The following UIMC1 variants were observed in gnomAD, a reference collection of about 807,000 sequenced individuals.
UIMC1 encodes BRCA1-A complex subunit RAP80.
A neutral mutation model predicts 84.9 loss-of-function variants in UIMC1; 42 were observed. The ratio of observed to expected loss-of-function variants is 0.49; its 90% CI spans 0.39 to 0.64. The LOEUF is 0.64. Ranked by LOEUF, UIMC1 falls within the 30% of genes least tolerant of loss-of-function variation. UIMC1 has a pLI of 0.00. For missense variants in UIMC1, 825 were observed against 847.6 expected (o/e 0.97, Z 0.33); for synonymous variants, 281 against 293.0 (o/e 0.96, Z 0.42).
At chr5:177,014,441 C>T (rs1040456991) in intron 1 of UIMC1, among the ~76,000 whole-genome samples, 1 of 152,152 alleles carries the variant, frequency 6.6e-6, no homozygotes, top group Non-Finnish European at 1.5e-5. Flanking sequence ...TGAGAGCAGA[C>T]CTTTCAAAGG....
chr5:176,984,892 A>G (rs1452321029), intron 1 of UIMC1, among the ~76,000 whole-genome samples: 2 of 152,186 alleles, frequency 1.3e-5, no homozygotes, highest in Admixed American at 1.3e-4. Context: ...GCTTGAAGGC[A>G]GCATGCTTGT....
At chr5:176,947,493 C>G (rs1053195933) in intron 9 of UIMC1, among the ~76,000 whole-genome samples, 2 of 152,148 alleles carry the variant, frequency 1.3e-5, no homozygotes, top group Admixed American at 6.5e-5. Flanking sequence ...TATCCCTCCC[C>G]GCTCGCCTTC....
intron 1 of UIMC1, among the ~76,000 whole-genome samples, chr5:177,019,702 C>G (rs187795261): frequency 6.6e-6 from 1 of 151,584 alleles, no homozygotes; most frequent in African/African-American, 2.4e-5. Context: ...GAGGCCAAGG[C>G]GGGCAGATCA....
intron 10 of UIMC1, among the ~76,000 whole-genome samples, chr5:176,917,489 T>C (rs1761147514): frequency 6.6e-6 from 1 of 152,136 alleles, no homozygotes; most frequent in Non-Finnish European, 1.5e-5. Flanking sequence ...GGAGAACTGC[T>C]TGAACCCGGG....
intron 9 of UIMC1, among the ~76,000 whole-genome samples, chr5:176,946,740 C>G (rs980554491): frequency 3.9e-5 from 6 of 152,036 alleles, no homozygotes; most frequent in Middle Eastern, 3.4e-3. Context: ...GTGGTTGAGG[C>G]AGGATAATCG....
intron 10 of UIMC1, among the ~76,000 whole-genome samples, chr5:176,941,344 T>G (rs554464426): frequency 6.6e-5 from 10 of 152,306 alleles, no homozygotes; most frequent in African/African-American, 2.4e-4. Flanking sequence ...TGCAGAATAA[T>G]ATATAGAGAG....
At chr5:176,933,537 T>C (rs1259184501) in intron 10 of UIMC1, among the ~76,000 whole-genome samples, 2 of 151,992 alleles carry the variant, frequency 1.3e-5, no homozygotes, top group Admixed American at 6.6e-5. Flanking sequence ...ATTTTTTTTT[T>C]TTTCTTTTTT....
intron 6 of UIMC1, among the ~76,000 whole-genome samples, chr5:176,966,771 G>A (rs1768367010): frequency 6.6e-6 from 1 of 152,076 alleles, no homozygotes. Flanking sequence ...ATTATGTAAT[G>A]GGAAAAAATA....
At chr5:177,014,511 G>A (rs1342831611) in intron 1 of UIMC1, among the ~76,000 whole-genome samples, 9 of 152,120 alleles carry the variant, frequency 5.9e-5, no homozygotes, top group African/African-American at 2.2e-4. Flanking sequence ...TAATGCTGTG[G>A]TTGAAACTTG....
chr5:176,918,499 G>GA (rs761740135), intron 10 of UIMC1, among the ~76,000 whole-genome samples: 2 of 152,166 alleles, frequency 1.3e-5, no homozygotes, highest in Non-Finnish European at 2.9e-5. Flanking sequence ...TCATAACTGG[G>GA]AGAAGTAAGC....
chr5:176,931,518 C>CA (rs1474243988), intron 10 of UIMC1, among the ~76,000 whole-genome samples: 1 of 152,126 alleles, frequency 6.6e-6, no homozygotes, highest in Non-Finnish European at 1.5e-5. Context: ...AAGGCAAAGT[C>CA]AATATTAAGA....
chr5:176,945,345 C>T (rs1291262525), intron 9 of UIMC1, among the ~76,000 whole-genome samples: 1 of 152,180 alleles, frequency 6.6e-6, no homozygotes, highest in East Asian at 1.9e-4. Context: ...CACAGTGGCT[C>T]ACATCTGTAA....
At chr5:176,982,255 A>T (rs992255578) in intron 2 of UIMC1, among the ~76,000 whole-genome samples, 1 of 152,206 alleles carries the variant, frequency 6.6e-6, no homozygotes, top group African/African-American at 2.4e-5. Flanking sequence ...ATATTATAAA[A>T]CTGAAGAACT....
intron 3 of UIMC1, among the ~76,000 whole-genome samples, chr5:176,973,056 T>C (rs994266794): frequency 1.3e-5 from 2 of 152,026 alleles, no homozygotes; most frequent in Non-Finnish European, 1.5e-5. Flanking sequence ...GTTGGGATTA[T>C]AGGTGCCTGC....
intron 10 of UIMC1, among the ~76,000 whole-genome samples, chr5:176,940,502 G>A (rs1764277184): frequency 6.6e-6 from 1 of 152,048 alleles, no homozygotes; most frequent in African/African-American, 2.4e-5. Flanking sequence ...TAAGTGCTTA[G>A]TAAGACAGAC....
intron 1 of UIMC1, among the ~76,000 whole-genome samples, chr5:176,992,987 A>ACCAGCATGG (rs1773103364): frequency 6.6e-6 from 1 of 151,948 alleles, no homozygotes; most frequent in South Asian, 2.1e-4. Context: ...GGAGTTGGAG[A>ACCAGCATGG]CCAGCATGGC....
intron 10 of UIMC1, among the ~76,000 whole-genome samples, chr5:176,920,919 T>A (rs922106447): frequency 7.2e-5 from 11 of 152,252 alleles, no homozygotes; most frequent in Admixed American, 6.5e-4. Context: ...GAGTTTTTCA[T>A]AGACGCCCTC....
chr5:176,908,618 G>A lies in UIMC1; in HGVS notation c.1753C>T (p.Leu585Phe), dbSNP rs374916547. The A allele has an allele frequency of 2.5e-6, 4 of 1,614,194 alleles. No homozygotes were observed. In the African/African-American group the frequency reaches 5.3e-5, roughly 22 times the overall value. The change falls in exon 12 of 15, where the codon CTT (leucine) becomes TTT (phenylalanine). Residue 585 changes from leucine (L) to phenylalanine (F), a missense_variant. Physicochemically the swap from Leu to Phe is conservative, Grantham distance 22. Coordinates refer to ENST00000511320, the MANE Select transcript of UIMC1 (RefSeq NM_001199298.2). ...CCATCTCCTTGGTCAGCCTTTGCAA[G>A]CTGGAGACAGGAGTCCACATGACAC... ...YQCHVDSCLQLAKADQGDGPE... is the reference protein window; with the variant it reads ...YQCHVDSCLQFAKADQGDGPE...
intron 3 of UIMC1, 129 bp from the exon 4 acceptor site, chr5:176,970,995 T>C: frequency 7.9e-7 from 1 of 1,271,970 alleles, no homozygotes; most frequent in Non-Finnish European, 1.1e-6. Flanking sequence ...TTTTATAATC[T>C]TGTAAATGAG....
Sources: gnomAD v4.1 joint callset for allele counts (sites outside exome capture counted in the v4.1 genomes callset) on GRCh38, gnomAD v4.1.1 for gene constraint, MANE v1.5 for transcripts, NCBI Gene and HGNC (gene_info 2026-07-23, HGNC 2026-07-21) for gene names.